FAM193A: variants seen among roughly 807,000 people sequenced by gnomAD.
The protein encoded by FAM193A is family with sequence similarity 193 member A, also known as protein FAM193A.
In FAM193A, 22 loss-of-function variants were observed where a neutral mutation model predicts 126.5. That is an observed-to-expected ratio of 0.17 (90% CI 0.12 to 0.25). FAM193A has a LOEUF of 0.25. FAM193A is among the 10% of genes least tolerant of loss of function. The pLI is 1.00. For synonymous variants in FAM193A, 761 were observed against 646.8 expected, an observed-to-expected ratio of 1.18 and a Z score of -2.68; for missense variants, 1,675 against 1,672.8, an observed-to-expected ratio of 1.00 and a Z score of -0.02.
chr4:2,613,500 C>T (rs2108948292), intron 2 of FAM193A, among the ~76,000 whole-genome samples: 1 of 149,926 alleles, frequency 6.7e-6, no homozygotes, highest in Non-Finnish European at 1.5e-5. Flanking sequence ...TTTGCCCAGG[C>T]CGGAGTGCAG....
intron 20 of FAM193A, among the ~76,000 whole-genome samples, chr4:2,722,965 C>A (rs980282205): frequency 6.6e-6 from 1 of 152,148 alleles, no homozygotes; most frequent in Non-Finnish European, 1.5e-5. Flanking sequence ...TCCAGTGTTT[C>A]AATTTTGCTT....
At position 2,577,176 on chromosome 4, in the gene FAM193A, G is replaced by A. The variant is rs977394410; in HGVS notation, c.256-18908G>A. Among the ~76,000 whole-genome samples the A allele has an allele frequency of 3.6e-4, 10 of 27,420 alleles. No homozygotes were observed. The South Asian group carries it at 8.2e-3, about 22-fold the overall frequency. 18.0% of individuals were successfully genotyped at this position (27,420 alleles called of 152,430 possible). A position where few individuals can be genotyped will look rare whatever the true frequency, so the allele number is the denominator to read the frequency against. On this transcript the variant is annotated intron_variant, in intron 1 of 20. Transcript: ENST00000637812. Reference sequence around the variant, plus strand: ...TACTACTTTTTTTCTTTTTTGAGACGAAGCCTCGCTCTGTCACCCAGGTGA... The same window carrying A: ...TACTACTTTTTTTCTTTTTTGAGACAAAGCCTCGCTCTGTCACCCAGGTGA...
intron 1 of FAM193A, among the ~76,000 whole-genome samples, chr4:2,542,815 T>C (rs1396690691): frequency 6.6e-6 from 1 of 151,878 alleles, no homozygotes; most frequent in East Asian, 1.9e-4. Context: ...TTTTCAGGAG[T>C]GGTCACAGTC....
intron 1 of FAM193A, among the ~76,000 whole-genome samples, chr4:2,568,973 C>CTTTTTTTT (rs753557878): frequency 1.2e-3 from 105 of 90,706 alleles, no homozygotes; most frequent in African/African-American, 1.8e-3. Context: ...TGTTGTTTTG[C>CTTTTTTTT]TTTTTTTTTT....
At chr4:2,538,013 T>C (rs1163206331) in intron 1 of FAM193A, among the ~76,000 whole-genome samples, 2 of 152,218 alleles carry the variant, frequency 1.3e-5, no homozygotes, top group African/African-American at 4.8e-5. Context: ...TAAGTGGGTA[T>C]GCAATTGGCG....
chr4:2,691,077 C>A, intron 15 of FAM193A, 107 bp downstream of exon 15: 1 of 1,047,302 alleles, frequency 9.5e-7, no homozygotes, highest in Non-Finnish European at 1.4e-6. Flanking sequence ...TTGGCCTAGC[C>A]AGAGGCGTAA....
intron 1 of FAM193A, among the ~76,000 whole-genome samples, chr4:2,575,195 C>T (rs909365231): frequency 1.3e-5 from 2 of 152,078 alleles, no homozygotes; most frequent in African/African-American, 2.4e-5. Flanking sequence ...GGCCTATGCC[C>T]CAAGAAAGCA....
chr4:2,704,290 G>A (rs563781505), intron 19 of FAM193A, among the ~76,000 whole-genome samples: 1 of 151,684 alleles, frequency 6.6e-6, no homozygotes, highest in Non-Finnish European at 1.5e-5. Flanking sequence ...TTAAGGCTGG[G>A]CATGGTGGCT....
intron 1 of FAM193A, among the ~76,000 whole-genome samples, chr4:2,558,521 A>G (rs573601435): frequency 6.2e-4 from 95 of 152,284 alleles, no homozygotes; most frequent in Admixed American, 1.4e-3. Context: ...ACCTGGGACT[A>G]CAGGCACGGG....
intron 1 of FAM193A, among the ~76,000 whole-genome samples, chr4:2,582,226 T>C (rs1415207993): frequency 6.6e-6 from 1 of 151,988 alleles, no homozygotes; most frequent in Non-Finnish European, 1.5e-5. Context: ...TGATCACAGC[T>C]CACTGCAGCT....
intron 2 of FAM193A, among the ~76,000 whole-genome samples, chr4:2,607,058 C>G (rs1741589708): frequency 6.6e-6 from 1 of 152,166 alleles, no homozygotes; most frequent in South Asian, 2.1e-4. Context: ...GGTGAAGGGC[C>G]ATTCATCTCA....
At chr4:2,692,701 G>A (rs1384216406) in intron 15 of FAM193A, among the ~76,000 whole-genome samples, 1 of 152,188 alleles carries the variant, frequency 6.6e-6, no homozygotes, top group African/African-American at 2.4e-5. Context: ...GAAAAGGGTT[G>A]GAAGAGGCTG....
rs574222218 is a variant in FAM193A, at chr4:2,709,060, T to TA, written c.4373-6954dup. Among the ~76,000 whole-genome samples the TA allele has an allele frequency of 1.1e-4, 16 of 151,582 alleles. No homozygotes were observed. In the South Asian group the frequency reaches 1.3e-3, roughly 12 times the overall value. On this transcript the variant is annotated intron_variant, in intron 19 of 20. Transcript: ENST00000637812. ...TAGCCACATTAAAAAAATTTAATGT[T>TA]AAAAAAAAATCCAGCGATTCCTCAT...
intron 13 of FAM193A, among the ~76,000 whole-genome samples, chr4:2,674,085 A>G (rs1376372015): frequency 2.0e-5 from 3 of 152,238 alleles, no homozygotes; most frequent in Admixed American, 2.0e-4. Context: ...CGTTATTTCT[A>G]CCACTTCAGC....
intron 6 of FAM193A, among the ~76,000 whole-genome samples, chr4:2,642,879 C>T (rs1744778860): frequency 6.6e-6 from 1 of 151,932 alleles, no homozygotes; most frequent in Admixed American, 6.6e-5. Flanking sequence ...ACTACAGGCG[C>T]CCGCCACCAC....
intron 7 of FAM193A, among the ~76,000 whole-genome samples, chr4:2,653,982 CT>C (rs1282049779): frequency 2.6e-5 from 4 of 152,184 alleles, no homozygotes; most frequent in African/African-American, 9.7e-5. Flanking sequence ...CCCCTGAAGG[CT>C]TTGGGGGCAA....
chr4:2,646,752 C>A lies in FAM193A; in HGVS notation c.1231C>A (p.Arg411Ser). 6.2e-7 allele frequency: 1 copy of A among 1,614,096 alleles called. No homozygotes were observed. Among genetic ancestry groups the A allele is most frequent in the Non-Finnish European group, 8.5e-7 (1 of 1,179,952 alleles). The stretch of plus-strand genomic sequence containing the variant: ...CAGTACCTTGCTGCAGAGGTACCAG[C>A]GTTCCGAGGAGGAGCTGCGCAGAGT... ...TYSTLLQRYQ[R>S]SEEELRRVAE... Residue 411 changes from arginine to serine, a missense_variant, in exon 7 of 21, where the codon CGT becomes AGT. Physicochemically the swap from Arg to Ser is moderately radical, Grantham distance 110 (BLOSUM62 -1). This residue lies in a region of FAM193A where 1,186 missense variants were observed against 1,109.2 expected (regional missense o/e 1.07). Transcript: ENST00000637812.
At chr4:2,690,677 T>A (rs371298143) in intron 14 of FAM193A, 21 bp from the exon 15 acceptor site, 17 of 1,595,424 alleles carry the variant, frequency 1.1e-5, no homozygotes, top group Admixed American at 1.8e-5. Context: ...GAAGCCTTAA[T>A]TTTCCTGTTC....
chr4:2,693,462 A>G (rs113201430), intron 15 of FAM193A, 124 bp from the exon 16 acceptor site: 2 of 890,814 alleles, frequency 2.2e-6, no homozygotes, highest in Non-Finnish European at 3.5e-6. Context: ...ACAGAATATT[A>G]GGTCGTGAAG....
Sources: gnomAD v4.1 joint callset for allele counts (sites outside exome capture counted in the v4.1 genomes callset) on GRCh38, gnomAD v4.1.1 for gene constraint, gnomAD v4.1.1 regional missense constraint, MANE v1.5 for transcripts, NCBI Gene and HGNC (gene_info 2026-07-23, HGNC 2026-07-21) for gene names.